DCDC1: variants seen among roughly 807,000 people sequenced by gnomAD.
DCDC1 encodes doublecortin domain containing 1.
In DCDC1, 200 loss-of-function variants were observed where a neutral mutation model predicts 178.3. The observed-to-expected ratio is 1.12, with a 90% confidence interval of 1.00 to 1.26. The LOEUF is 1.26. Among genes scored for constraint, DCDC1 ranks in the 50% most tolerant of loss-of-function variants. The pLI is 0.00. For missense variants in DCDC1, 1,983 were observed against 1,749.2 expected, an observed-to-expected ratio of 1.13 and a Z score of -2.38; for synonymous variants, 690 against 604.8, an observed-to-expected ratio of 1.14 and a Z score of -2.07.
At chr11:31,155,640 G>A (rs1965646419) in intron 9 of DCDC1, among the ~76,000 whole-genome samples, 2 of 152,212 alleles carry the variant, frequency 1.3e-5, no homozygotes, top group African/African-American at 4.8e-5. Context: ...TTAGAAAGAA[G>A]GCAGACAGAG....
intron 9 of DCDC1, among the ~76,000 whole-genome samples, chr11:31,186,493 G>T (rs1289049984): frequency 6.6e-6 from 1 of 152,078 alleles, no homozygotes; most frequent in Non-Finnish European, 1.5e-5. Context: ...TGCCACCTTG[G>T]GTCCTCAGCC....
At chr11:31,041,879 A>G (rs184187378) in intron 20 of DCDC1, among the ~76,000 whole-genome samples, 88 of 152,330 alleles carry the variant, frequency 5.8e-4, no homozygotes, top group Non-Finnish European at 9.8e-4. Context: ...CACTAAAGCA[A>G]AATGACTTTA....
intron 21 of DCDC1, among the ~76,000 whole-genome samples, chr11:30,946,603 C>G (rs953967808): frequency 6.6e-6 from 1 of 152,070 alleles, no homozygotes; most frequent in Non-Finnish European, 1.5e-5. Context: ...ATCAAAAGTG[C>G]TGCAACTCAT....
At chr11:30,901,003 G>A (rs753954517) in intron 32 of DCDC1, among the ~76,000 whole-genome samples, 1 of 151,934 alleles carries the variant, frequency 6.6e-6, no homozygotes. Flanking sequence ...TATTTTTATT[G>A]TTAAACAGAA....
chr11:31,271,332 T>A (rs1333524360), intron 7 of DCDC1, among the ~76,000 whole-genome samples: 1 of 152,228 alleles, frequency 6.6e-6, no homozygotes, highest in Non-Finnish European at 1.5e-5. Context: ...GTATTATCCA[T>A]CATTTCTTCT....
intron 7 of DCDC1, among the ~76,000 whole-genome samples, chr11:31,269,425 C>T (rs1016194847): frequency 6.6e-6 from 1 of 151,802 alleles, no homozygotes; most frequent in African/African-American, 2.4e-5. Context: ...CTCTGTCACC[C>T]AGGCTGGAGT....
chr11:31,367,373 T>C (rs1046652527), intron 1 of DCDC1, among the ~76,000 whole-genome samples: 5 of 152,364 alleles, frequency 3.3e-5, no homozygotes, highest in African/African-American at 9.6e-5. Context: ...TCTATGTTTA[T>C]TAATTTAAAA....
At chr11:30,902,674 C>T (rs1057369703) in intron 32 of DCDC1, among the ~76,000 whole-genome samples, 6 of 152,038 alleles carry the variant, frequency 3.9e-5, no homozygotes, top group South Asian at 2.1e-4. Context: ...AATAGTTAAA[C>T]GACTTACCCA....
At chr11:31,133,350 G>A (rs1465013669) in intron 10 of DCDC1, among the ~76,000 whole-genome samples, 1 of 152,206 alleles carries the variant, frequency 6.6e-6, no homozygotes, top group Non-Finnish European at 1.5e-5. Context: ...GTAACACACG[G>A]AATGGTCTCA....
chr11:31,306,387 C>T lies in DCDC1; in HGVS notation c.436G>A (p.Val146Ile), dbSNP rs201914733. Reference sequence around the variant, plus strand: ...AATTTTAAAGAAGAGAACTCTGCAACCCTGAAGAAAAAGAAAAACAGAAAA... The same window carrying T: ...AATTTTAAAGAAGAGAACTCTGCAATCCTGAAGAAAAAGAAAAACAGAAAA... ...PVSAPVGQLR[V>I]AEFSSLKFQS... The change falls in exon 5 of 39, where the codon GTT becomes ATT. Residue 146 changes from valine (V) to isoleucine (I), a missense_variant and splice_region_variant. Coordinates refer to ENST00000684477, the MANE Select transcript of DCDC1 (RefSeq NM_001387274.1). 3 of 1,581,736 alleles carry T rather than the reference C, an allele frequency of 1.9e-6. No homozygotes were observed. The highest frequency in any genetic ancestry group is 2.6e-6 in the Non-Finnish European group (3 of 1,169,466).
At chr11:31,352,190 G>C (rs1951106958) in intron 1 of DCDC1, among the ~76,000 whole-genome samples, 1 of 152,070 alleles carries the variant, frequency 6.6e-6, no homozygotes, top group South Asian at 2.1e-4. Context: ...ACAAAACAGT[G>C]CTCTAGGGCT....
intron 21 of DCDC1, among the ~76,000 whole-genome samples, chr11:30,942,158 T>G (rs952077302): frequency 6.6e-6 from 1 of 152,142 alleles, no homozygotes; most frequent in Non-Finnish European, 1.5e-5. Context: ...CATGGGGCTG[T>G]TTTTTCTTAT....
At chr11:31,366,755 C>A (rs928378424) in intron 1 of DCDC1, among the ~76,000 whole-genome samples, 2 of 152,052 alleles carry the variant, frequency 1.3e-5, no homozygotes, top group African/African-American at 4.8e-5. Context: ...ATGCTGCAGC[C>A]AAGGAGATGG....
At chr11:30,992,793 A>G (rs914016256) in intron 20 of DCDC1, 1 of 152,210 alleles carries the variant, frequency 6.6e-6, no homozygotes, top group East Asian at 1.9e-4. Context: ...TATTTCAGGA[A>G]AAGTTACTAC....
intron 1 of DCDC1, among the ~76,000 whole-genome samples, chr11:31,349,024 C>CT (rs1189671537): frequency 5.6e-5 from 5 of 88,744 alleles, no homozygotes; most frequent in Non-Finnish European, 9.1e-5. Flanking sequence ...AAAATAATAG[C>CT]TTATTTTTTT....
At chr11:31,146,740 C>T (rs939636062) in intron 9 of DCDC1, among the ~76,000 whole-genome samples, 1 of 152,184 alleles carries the variant, frequency 6.6e-6, no homozygotes, top group Non-Finnish European at 1.5e-5. Flanking sequence ...CTCCTTCTAA[C>T]GTCCGGCTGA....
chr11:31,299,249 C>CA (rs1160132992), intron 6 of DCDC1, among the ~76,000 whole-genome samples: 1 of 152,164 alleles, frequency 6.6e-6, no homozygotes, highest in Non-Finnish European at 1.5e-5. Context: ...CTAATAATGA[C>CA]AGTGGTTGTC....
At chr11:30,964,972 T>C (rs1160279485) in intron 20 of DCDC1, among the ~76,000 whole-genome samples, 15 of 152,142 alleles carry the variant, frequency 9.9e-5, no homozygotes, top group Admixed American at 9.8e-4. Flanking sequence ...CAGTAATCTC[T>C]AAAGCCCTCA....
At chr11:31,321,862 T>A (rs1949381626) in intron 3 of DCDC1, among the ~76,000 whole-genome samples, 1 of 152,190 alleles carries the variant, frequency 6.6e-6, no homozygotes, top group Middle Eastern at 3.2e-3. Flanking sequence ...TAGTTACACA[T>A]ATAAATTTAC....
Sources: gnomAD v4.1 joint callset for allele counts (sites outside exome capture counted in the v4.1 genomes callset) on GRCh38, gnomAD v4.1.1 for gene constraint, MANE v1.5 for transcripts, NCBI Gene and HGNC (gene_info 2026-07-23, HGNC 2026-07-21) for gene names.